The following HACE1 variants were observed in gnomAD, a reference collection of about 807,000 sequenced individuals.
The protein encoded by HACE1 is E3 ubiquitin-protein ligase HACE1.
Under a neutral mutation model 118.4 loss-of-function variants are expected in HACE1, and 73 were observed. The ratio of observed to expected loss-of-function variants is 0.62; its 90% CI spans 0.51 to 0.75. The LOEUF (loss-of-function observed/expected upper bound fraction) is 0.75. Among genes scored for constraint, HACE1 ranks in the 30% least tolerant of loss-of-function variants. The pLI is 0.00. For missense variants in HACE1, 749 were observed against 1,102.2 expected (o/e 0.68, Z 4.54); for synonymous variants, 368 against 374.8 (o/e 0.98, Z 0.21).
At chr6:104,846,640 G>A (rs764171417) in intron 4 of HACE1, among the ~76,000 whole-genome samples, 1 of 152,184 alleles carries the variant, frequency 6.6e-6, no homozygotes, top group Non-Finnish European at 1.5e-5. Context: ...GATGACAGCT[G>A]AGGGAACAAA....
In HACE1 at chr6:104,784,166, T is replaced by G; in HGVS notation, c.1486A>C (p.Lys496Gln). ...AAGTGAAAGTGGTCAAATATAATTTTGGGATTTCTAAAAGAAAAATATTTT... is the reference window on the plus strand; with the variant it reads ...AAGTGAAAGTGGTCAAATATAATTTGGGGATTTCTAAAAGAAAAATATTTT... ...VLKCFVNRNP[K>Q]IIFDHFHFLL... Residue 496 changes from lysine (K) to glutamine (Q), a missense_variant, in exon 14 of 24, where the codon AAA becomes CAA. Around this residue, in one of 5 missense-constraint regions of HACE1, gnomAD observed 195 missense variants for 322.1 expected, o/e 0.61. Transcript: ENST00000262903. 6.3e-7 allele frequency: 1 copy of G among 1,579,268 alleles called. No homozygotes were observed. The highest frequency in any genetic ancestry group is 8.7e-7 in the Non-Finnish European group (1 of 1,148,370).
chr6:104,799,404 C>A (rs78052951), intron 7 of HACE1, among the ~76,000 whole-genome samples: 8,371 of 152,286 alleles, frequency 0.055, 237 homozygotes, highest in South Asian at 0.077. Flanking sequence ...CTTCCATATT[C>A]AGCCTACAAA....
At chr6:104,791,312 T>C (rs528009567) in intron 11 of HACE1, among the ~76,000 whole-genome samples, 192 bp downstream of exon 11, 2 of 152,224 alleles carry the variant, frequency 1.3e-5, no homozygotes, top group African/African-American at 4.8e-5. Flanking sequence ...GTAAGAAAAA[T>C]ACAGAAAGCT....
chr6:104,777,454 T>C (rs1781336108), intron 14 of HACE1, 137 bp from the exon 15 acceptor site: 1 of 675,928 alleles, frequency 1.5e-6, no homozygotes, highest in South Asian at 1.7e-5. Context: ...TACTGGATAA[T>C]GTTTGAACAT....
At chr6:104,791,467 C>G in intron 11 of HACE1, 37 bp downstream of exon 11, 1 of 1,555,388 alleles carries the variant, frequency 6.4e-7, no homozygotes. Flanking sequence ...ATCTCTTTTA[C>G]GTCTATCTTC....
intron 10 of HACE1, among the ~76,000 whole-genome samples, chr6:104,795,228 C>T (rs554783162): frequency 1.4e-4 from 22 of 152,098 alleles, no homozygotes; most frequent in Non-Finnish European, 1.5e-4. Context: ...TAAACAGTAG[C>T]TTGTACCTAA....
intron 7 of HACE1, among the ~76,000 whole-genome samples, chr6:104,806,496 T>A (rs1026607639): frequency 2.0e-5 from 3 of 152,100 alleles, no homozygotes; most frequent in Non-Finnish European, 2.9e-5. Flanking sequence ...AATAATTTTT[T>A]AAATAGATTT....
At chr6:104,855,794 A>G (rs972401889) in intron 1 of HACE1, among the ~76,000 whole-genome samples, 2 of 152,328 alleles carry the variant, frequency 1.3e-5, no homozygotes, top group South Asian at 4.1e-4. Context: ...GTCATAAAAA[A>G]CACTGTTATT....
chr6:104,818,511 G>A (rs1050495872), intron 6 of HACE1, among the ~76,000 whole-genome samples: 1 of 152,006 alleles, frequency 6.6e-6, no homozygotes, highest in Non-Finnish European at 1.5e-5. Context: ...AAATTGAGAA[G>A]GGACTATTCC....
intron 11 of HACE1, among the ~76,000 whole-genome samples, chr6:104,790,798 A>C (rs1782948714): frequency 6.6e-6 from 1 of 152,198 alleles, no homozygotes; most frequent in Admixed American, 6.5e-5. Flanking sequence ...AAGTTATTAA[A>C]TTACACATTT....
At chr6:104,756,442 T>TAC (rs1562298945) in intron 19 of HACE1, among the ~76,000 whole-genome samples, 263 of 146,288 alleles carry the variant, frequency 1.8e-3, no homozygotes, top group African/African-American at 6.4e-3. Context: ...TATATATATA[T>TAC]ATATACACAC....
intron 19 of HACE1, among the ~76,000 whole-genome samples, chr6:104,759,040 A>G (rs1008841786): frequency 2.6e-5 from 4 of 151,968 alleles, no homozygotes; most frequent in African/African-American, 7.3e-5. Flanking sequence ...AGGAGAACCC[A>G]GAATCATAAA....
In HACE1 at chr6:104,859,554, C is replaced by T; in HGVS notation, c.76+13G>A. The T allele has an allele frequency of 6.6e-7, 1 of 1,511,496 alleles. No individual in the cohort carries two copies. The highest frequency in any genetic ancestry group is 2.6e-5 in the East Asian group (1 of 37,892). The allele number at this position is 1,511,496 out of a possible 1,614,324, so 93.6% of individuals were successfully genotyped here. A position where few individuals can be genotyped will look rare whatever the true frequency, so the allele number is the denominator to read the frequency against. ...CAGCCCCGCGGCCAGCCTGGCCCCG[C>T]GACCCGGCTCACCCTCGGGCAACTC... is the stretch of plus-strand genomic sequence containing the variant. On this transcript the variant is annotated intron_variant, in intron 1 of 23. Transcript: ENST00000262903.
At position 104,776,807 on chromosome 6, in the gene HACE1, A is replaced by T. The variant is rs1781269669; in HGVS notation, c.1798T>A (p.Trp600Arg). The stretch of plus-strand genomic sequence containing the variant: ...ATCTCATTGGACAGAATATCAAACC[A>T]CTCACGCACAACACCTTGACCCTGA... ...EGMGQGVVRE[W>R]FDILSNEIVN... The change falls in exon 17 of 24, where the codon TGG becomes AGG. Residue 600 changes from tryptophan to arginine, a missense_variant. Physicochemically the swap from Trp to Arg is moderately radical, Grantham distance 101. Coordinates refer to ENST00000262903, the MANE Select transcript of HACE1 (RefSeq NM_020771.4). 1 of 1,607,536 alleles carries T rather than the reference A, an allele frequency of 6.2e-7. No individual in the cohort carries two copies. Among genetic ancestry groups the T allele is most frequent in the Non-Finnish European group, 8.5e-7 (1 of 1,174,128 alleles).
Position 104,852,387 on chromosome 6 carries a change from C to CAG in HACE1, c.77-17_77-16insCT, listed in dbSNP as rs10635352. On this transcript the variant is annotated splice_polypyrimidine_tract_variant and intron_variant, in intron 1 of 23. Coordinates refer to ENST00000262903, the MANE Select transcript of HACE1 (RefSeq NM_020771.4). ...GTTTCATTATCTGAGTAAAAAAAAA[C>CAG]AAAGAGTTCATTTATCCCCTACTTT... 977,741 of 1,443,900 alleles carry CAG rather than the reference C, an allele frequency of 0.68. 333,018 individuals carry two copies. The highest frequency in any genetic ancestry group is 0.75 in the Middle Eastern group (4,287 of 5,724). 89.4% of individuals were successfully genotyped at this position (1,443,900 alleles called of 1,614,324 possible). A position where few individuals can be genotyped will look rare whatever the true frequency, so the allele number is the denominator to read the frequency against.
Position 104,744,190 on chromosome 6 carries a change from C to T in HACE1, c.2483G>A (p.Arg828Lys). The change falls in exon 22 of 24, where the codon AGA becomes AAA. Residue 828 changes from arginine (R) to lysine (K), a missense_variant. Physicochemically the swap from Arg to Lys is conservative, Grantham distance 26 (BLOSUM62 2). Transcript: ENST00000262903. ...CGTAACAAACTGTAAGAGAAGAACT[C>T]TCTCCTCTTGAGTAATGTCTTCTAC... ...EVVEDITQEE[R>K]VLLLQFVTGS... 1 of 1,602,946 alleles carries T rather than the reference C, an allele frequency of 6.2e-7. No individual in the cohort carries two copies. The highest frequency in any genetic ancestry group is 8.5e-7 in the Non-Finnish European group (1 of 1,170,288).
intron 22 of HACE1, among the ~76,000 whole-genome samples, chr6:104,738,731 T>G (rs907731884): frequency 2.0e-5 from 3 of 146,466 alleles, no homozygotes; most frequent in Non-Finnish European, 4.5e-5. Flanking sequence ...GGAACCAAGT[T>G]GGAAAACACT....
intron 19 of HACE1, among the ~76,000 whole-genome samples, chr6:104,764,766 C>T (rs1333383459): frequency 6.6e-6 from 1 of 152,188 alleles, no homozygotes; most frequent in Admixed American, 6.5e-5. Flanking sequence ...AGTTCACTAA[C>T]AAACTCTGAA....
At chr6:104,858,703 G>C (rs893658546) in intron 1 of HACE1, among the ~76,000 whole-genome samples, 1 of 152,134 alleles carries the variant, frequency 6.6e-6, no homozygotes, top group East Asian at 1.9e-4. Context: ...CTATTCACCA[G>C]CTACAACCTC....
Sources: allele counts gnomAD v4.1 joint callset (sites outside exome capture counted in the v4.1 genomes callset), GRCh38; gene constraint gnomAD v4.1.1; regional missense constraint gnomAD v4.1.1; transcripts MANE v1.5; gene names NCBI Gene and HGNC (gene_info 2026-07-23, HGNC 2026-07-21).